The following PPARG variants were observed in gnomAD, a reference collection of about 807,000 sequenced individuals.
The protein encoded by PPARG is peroxisome proliferator-activated receptor gamma.
In PPARG, 17 loss-of-function variants were observed where a neutral mutation model predicts 39.2. That is an observed-to-expected ratio of 0.43 (90% CI 0.30 to 0.65). The LOEUF is 0.65. Ranked by LOEUF, PPARG falls within the 30% of genes least tolerant of loss-of-function variation. The pLI is 0.13. For missense variants in PPARG, 406 were observed against 585.9 expected, an observed-to-expected ratio of 0.69 and a Z score of 3.17; for synonymous variants, 223 against 215.7, an observed-to-expected ratio of 1.03 and a Z score of -0.30.
intron 6 of PPARG, chr3:12,406,465 G>A (rs4135343): frequency 0.092 from 22,848 of 247,218 alleles, 5,199 homozygotes; most frequent in African/African-American, 0.48. Flanking sequence ...GGAAGAACCC[G>A]ACCTAGGTTT....
At chr3:12,334,229 T>C (rs2047945595) in intron 2 of PPARG, among the ~76,000 whole-genome samples, 1 of 151,424 alleles carries the variant, frequency 6.6e-6, no homozygotes, top group South Asian at 2.1e-4. Flanking sequence ...TCTTTTCTTT[T>C]TTTCTTTTTT....
rs1370501806 is a variant in PPARG, at chr3:12,416,756, A to G, written c.782A>G (p.Lys261Arg). Residue 261 changes from lysine (K) to arginine (R), a missense_variant, in exon 7 of 8, where the codon AAG (lysine) becomes AGG (arginine). Lys to Arg is a conservative substitution (Grantham distance 26, BLOSUM62 2). This residue lies in a region of PPARG where 275 missense variants were observed against 458.0 expected (regional missense o/e 0.60). Coordinates refer to ENST00000651735, the MANE Select transcript of PPARG (RefSeq NM_138711.6). ...TTAATGATGGGAGAAGATAAAATCAAGTTCAAACACATCACCCCCCTGCAG... is the reference window on the plus strand; with the variant it reads ...TTAATGATGGGAGAAGATAAAATCAGGTTCAAACACATCACCCCCCTGCAG... ...NSLMMGEDKI[K>R]FKHITPLQEQ... is the part of the protein sequence containing the mutation. The G allele has an allele frequency of 1.9e-6, 3 of 1,614,026 alleles. No individual in the cohort carries two copies. The East Asian group carries it at 6.7e-5, about 36-fold the overall frequency.
intron 2 of PPARG, among the ~76,000 whole-genome samples, chr3:12,376,117 T>G (rs891352410): frequency 6.6e-6 from 1 of 152,026 alleles, no homozygotes; most frequent in African/African-American, 2.4e-5. Flanking sequence ...GACCAGCTAA[T>G]TTTGTATTTT....
At chr3:12,399,424 T>A (rs1478800741) in intron 5 of PPARG, 1 of 455,872 alleles carries the variant, frequency 2.2e-6, no homozygotes, top group Non-Finnish European at 4.4e-6. Context: ...TTTTTCTCCC[T>A]CAAGAAAGAG....
chr3:12,302,872 G>T, intron 1 of PPARG, among the ~76,000 whole-genome samples: 1 of 152,098 alleles, frequency 6.6e-6, no homozygotes, highest in Non-Finnish European at 1.5e-5. Flanking sequence ...GCAAAATCCG[G>T]ACATACCATG....
intron 1 of PPARG, among the ~76,000 whole-genome samples, chr3:12,311,060 A>T (rs1574968835): frequency 6.6e-6 from 1 of 152,156 alleles, no homozygotes; most frequent in East Asian, 1.9e-4. Flanking sequence ...TCCCATTCTG[A>T]AAAGAAAATT....
Position 12,347,659 on chromosome 3 carries a change from A to G in PPARG, c.-8-32045A>G, listed in dbSNP as rs552851571. On this transcript the variant is annotated intron_variant, in intron 2 of 7. Transcript: ENST00000651735. ...TGGCTGGTCATTCTGGTTGTTAGCA[A>G]TTATCTGGCTTCCGTGGGAGCATCA... 9.2e-5 allele frequency among the ~76,000 whole-genome samples: 14 copies of G among 152,278 alleles called. No individual in the cohort carries two copies. The South Asian group carries it at 2.9e-3, about 32-fold the overall frequency.
chr3:12,422,298 A>G (rs763325647), intron 7 of PPARG, among the ~76,000 whole-genome samples: 1 of 152,206 alleles, frequency 6.6e-6, no homozygotes, highest in Non-Finnish European at 1.5e-5. Flanking sequence ...CTTGGTAGGA[A>G]GACTACATGG....
intron 2 of PPARG, among the ~76,000 whole-genome samples, chr3:12,359,105 G>T (rs1232143679): frequency 6.6e-6 from 1 of 152,084 alleles, no homozygotes; most frequent in Non-Finnish European, 1.5e-5. Context: ...TCACGAGTCT[G>T]GTCTCTGTAC....
At chr3:12,406,256 C>T (rs2050662849) in intron 6 of PPARG, 175 bp downstream of exon 6, 1 of 695,238 alleles carries the variant, frequency 1.4e-6, no homozygotes, top group Admixed American at 2.3e-5. Flanking sequence ...TCAGATAGCA[C>T]AAGTCAACAT....
At chr3:12,358,541 C>T (rs1192242035) in intron 2 of PPARG, among the ~76,000 whole-genome samples, 1 of 152,150 alleles carries the variant, frequency 6.6e-6, no homozygotes, top group African/African-American at 2.4e-5. Context: ...TTTAAGTTCA[C>T]TGGACATTAT....
intron 2 of PPARG, among the ~76,000 whole-genome samples, chr3:12,354,707 T>A (rs979550948): frequency 6.8e-6 from 1 of 148,116 alleles, no homozygotes; most frequent in Non-Finnish European, 1.5e-5. Context: ...GAGGCTGAGA[T>A]TGCGCCACTG....
chr3:12,331,234 A>C (rs1042665020), intron 2 of PPARG, among the ~76,000 whole-genome samples: 1 of 152,220 alleles, frequency 6.6e-6, no homozygotes, highest in African/African-American at 2.4e-5. Flanking sequence ...AAATGGCAGT[A>C]TGAGTTGTGT....
intron 2 of PPARG, among the ~76,000 whole-genome samples, chr3:12,331,403 T>C (rs1442180209): frequency 6.6e-6 from 1 of 152,166 alleles, no homozygotes; most frequent in Non-Finnish European, 1.5e-5. Context: ...GGCTGTGATG[T>C]GGGAAACAGC....
At chr3:12,412,499 C>T (rs889837454) in intron 6 of PPARG, among the ~76,000 whole-genome samples, 4 of 152,052 alleles carry the variant, frequency 2.6e-5, no homozygotes, top group African/African-American at 4.8e-5. Context: ...TGAAATATAT[C>T]AAAATTAATT....
chr3:12,416,590 A>T, intron 6 of PPARG, 114 bp from the exon 7 acceptor site: 1 of 993,392 alleles, frequency 1.0e-6, no homozygotes, highest in Non-Finnish European at 1.5e-6. Context: ...CTTCAGCTTT[A>T]AAGATTTTAG....
At chr3:12,308,325 CAG>C (rs1176135567) in intron 1 of PPARG, among the ~76,000 whole-genome samples, 1 of 108,468 alleles carries the variant, frequency 9.2e-6, no homozygotes, top group Non-Finnish European at 1.7e-5. Context: ...ACCTGGATGA[CAG>C]AGCAAGACCC....
Position 12,376,812 on chromosome 3 carries a change from G to A in PPARG, c.-8-2892G>A, listed in dbSNP as rs189723597. ...AGTATTTAATAAATAAATATTTAAC[G>A]AGCACCTACTATGAGACAAGCCCTT... On this transcript the variant is annotated intron_variant, in intron 2 of 7. Coordinates refer to ENST00000651735, the MANE Select transcript of PPARG (RefSeq NM_138711.6). Among the ~76,000 whole-genome samples, 40 of 152,088 alleles carry A rather than the reference G, an allele frequency of 2.6e-4. No homozygotes were observed. The East Asian group carries it at 7.0e-3, about 26-fold the overall frequency.
At chr3:12,413,930 G>C (rs1041429708) in intron 6 of PPARG, among the ~76,000 whole-genome samples, 10 of 152,100 alleles carry the variant, frequency 6.6e-5, no homozygotes, top group African/African-American at 2.4e-4. Context: ...CAATTGCCAA[G>C]GGGTTAAAGT....
Sources: gnomAD v4.1 joint callset for allele counts (sites outside exome capture counted in the v4.1 genomes callset) on GRCh38, gnomAD v4.1.1 for gene constraint, gnomAD v4.1.1 regional missense constraint, MANE v1.5 for transcripts, NCBI Gene and HGNC (gene_info 2026-07-23, HGNC 2026-07-21) for gene names.